The following ZBTB20 variants were observed in gnomAD, a reference collection of about 807,000 sequenced individuals.
ZBTB20 encodes the protein zinc finger and BTB domain containing 20.
In ZBTB20, 9 loss-of-function variants were observed where a neutral mutation model predicts 56.9. The observed-to-expected ratio is 0.16, with a 90% CI of 0.10 to 0.28. The LOEUF (loss-of-function observed/expected upper bound fraction) is 0.28, where lower values mean the gene tolerates loss of function less well. Among genes scored for constraint, ZBTB20 ranks in the 10% least tolerant of loss-of-function variants. ZBTB20 has a pLI of 1.00. For synonymous variants in ZBTB20, 417 were observed against 420.7 expected (o/e 0.99, Z 0.11); for missense variants, 655 against 1,003.0 (o/e 0.65, Z 4.69).
At chr3:114,726,565 T>C (rs954438651) in intron 5 of ZBTB20, among the ~76,000 whole-genome samples, 1 of 152,176 alleles carries the variant, frequency 6.6e-6, no homozygotes, top group Non-Finnish European at 1.5e-5. Flanking sequence ...ATTTCTAACA[T>C]ATTCCTAGGT....
chr3:114,592,264 G>T (rs765349102), intron 6 of ZBTB20, among the ~76,000 whole-genome samples: 2 of 152,100 alleles, frequency 1.3e-5, no homozygotes, highest in Non-Finnish European at 2.9e-5. Context: ...CTGGTTACGT[G>T]GAGTTATATC....
At chr3:114,972,823 G>T (rs2077941298) in intron 3 of ZBTB20, among the ~76,000 whole-genome samples, 1 of 151,758 alleles carries the variant, frequency 6.6e-6, no homozygotes, top group Non-Finnish European at 1.5e-5. Context: ...ACACAATGAG[G>T]TTTCTTTAAT....
At chr3:114,616,415 T>C (rs763039994) in intron 6 of ZBTB20, among the ~76,000 whole-genome samples, 1 of 152,214 alleles carries the variant, frequency 6.6e-6, no homozygotes, top group Non-Finnish European at 1.5e-5. Context: ...TGGTTGGTGA[T>C]GATGGTAATA....
At chr3:114,824,489 C>T (rs1447051415) in intron 4 of ZBTB20, among the ~76,000 whole-genome samples, 1 of 151,874 alleles carries the variant, frequency 6.6e-6, no homozygotes. Flanking sequence ...TAATTCAATG[C>T]CACACAAACA....
At chr3:114,678,568 A>G (rs2061774642) in intron 6 of ZBTB20, among the ~76,000 whole-genome samples, 1 of 152,188 alleles carries the variant, frequency 6.6e-6, no homozygotes, top group East Asian at 1.9e-4. Flanking sequence ...TTTCATGTAT[A>G]CGTCGCAGAA....
At chr3:114,951,390 C>A (rs1227581903) in intron 3 of ZBTB20, among the ~76,000 whole-genome samples, 1 of 151,942 alleles carries the variant, frequency 6.6e-6, no homozygotes, top group African/African-American at 2.4e-5. Context: ...AATGAGAGCA[C>A]AGAGAAAAAG....
chr3:115,061,050 T>C (rs1027338399), intron 2 of ZBTB20, among the ~76,000 whole-genome samples: 1 of 152,160 alleles, frequency 6.6e-6, no homozygotes. Context: ...GTTATGATGT[T>C]CAGTCAAAGA....
chr3:115,091,990 AC>A (rs1204390192), intron 1 of ZBTB20, among the ~76,000 whole-genome samples: 1 of 152,106 alleles, frequency 6.6e-6, no homozygotes, highest in African/African-American at 2.4e-5. Flanking sequence ...GCCTGAAATG[AC>A]CGAGCTTAAG....
intron 1 of ZBTB20, among the ~76,000 whole-genome samples, chr3:115,112,634 TTCTG>T (rs2083909829): frequency 6.6e-6 from 1 of 152,216 alleles, no homozygotes; most frequent in Non-Finnish European, 1.5e-5. Flanking sequence ...ATGACATTCC[TTCTG>T]TCTTACGGCC....
At chr3:114,707,872 C>A (rs1046912282) in intron 5 of ZBTB20, among the ~76,000 whole-genome samples, 1 of 152,148 alleles carries the variant, frequency 6.6e-6, no homozygotes, top group African/African-American at 2.4e-5. Context: ...CTGCTGGCAC[C>A]ATATAACTTA....
intron 4 of ZBTB20, among the ~76,000 whole-genome samples, chr3:114,826,499 C>T (rs916408774): frequency 1.3e-5 from 2 of 151,666 alleles, no homozygotes; most frequent in African/African-American, 4.8e-5. Context: ...ATTCATTCAC[C>T]GAATCCTTCC....
At chr3:114,540,827 T>C (rs1217920831) in intron 6 of ZBTB20, among the ~76,000 whole-genome samples, 1 of 152,132 alleles carries the variant, frequency 6.6e-6, no homozygotes, top group Non-Finnish European at 1.5e-5. Context: ...GGTACAGGGT[T>C]AAATTTACAA....
In ZBTB20 at chr3:114,383,053, G is replaced by A. The variant is rs151204019; in HGVS notation, c.-153-2113C>T. ...TGAAATTAAAGTGTATTTTAAGAAC[G>A]GTCATAGTCTGAATCCCAATTAAGT... On this transcript the variant is annotated intron_variant, in intron 8 of 11. Transcript: ENST00000675478. 2.5e-4 allele frequency among the ~76,000 whole-genome samples: 38 copies of A among 152,282 alleles called. No individual in the cohort carries two copies. In the East Asian group the frequency reaches 6.4e-3, roughly 26 times the overall value.
intron 2 of ZBTB20, among the ~76,000 whole-genome samples, chr3:115,015,097 T>C (rs191504778): frequency 6.6e-6 from 1 of 151,980 alleles, no homozygotes; most frequent in East Asian, 1.9e-4. Flanking sequence ...GGGTCTCAGA[T>C]GCCCTATATG....
intron 7 of ZBTB20, among the ~76,000 whole-genome samples, chr3:114,412,546 A>G (rs1018455550): frequency 5.9e-5 from 9 of 152,110 alleles, no homozygotes; most frequent in African/African-American, 2.2e-4. Context: ...GACTAACTCC[A>G]CAGTAGGTTG....
chr3:114,474,975 T>C (rs1011048018), intron 7 of ZBTB20, among the ~76,000 whole-genome samples: 17 of 152,280 alleles, frequency 1.1e-4, no homozygotes, highest in African/African-American at 4.1e-4. Flanking sequence ...TCTGATTATG[T>C]TACTCTCCTA....
chr3:114,666,188 A>G (rs1338729827), intron 6 of ZBTB20, among the ~76,000 whole-genome samples: 1 of 152,018 alleles, frequency 6.6e-6, no homozygotes, highest in Non-Finnish European at 1.5e-5. Flanking sequence ...AGAAGCCAAA[A>G]GACTGTATAG....
chr3:114,531,229 A>T (rs1457075353), intron 6 of ZBTB20, among the ~76,000 whole-genome samples: 2 of 152,206 alleles, frequency 1.3e-5, no homozygotes, highest in Non-Finnish European at 2.9e-5. Flanking sequence ...CTCTTGGTAG[A>T]TGACATCAAT....
intron 6 of ZBTB20, among the ~76,000 whole-genome samples, chr3:114,601,865 A>G (rs551887659): frequency 1.3e-5 from 2 of 152,160 alleles, no homozygotes; most frequent in South Asian, 4.1e-4. Context: ...AAGGTAAATT[A>G]GGGTTAGATC....
Sources: gnomAD v4.1 joint callset for allele counts (sites outside exome capture counted in the v4.1 genomes callset) on GRCh38, gnomAD v4.1.1 for gene constraint, MANE v1.5 for transcripts, NCBI Gene and HGNC (gene_info 2026-07-23, HGNC 2026-07-21) for gene names.